The following TNRC6B variants were observed in gnomAD, a reference collection of about 807,000 sequenced individuals.
TNRC6B encodes the protein trinucleotide repeat-containing gene 6B protein.
A neutral mutation model predicts 203.6 loss-of-function variants in TNRC6B; 52 were observed. The observed-to-expected ratio is 0.26, with a 90% confidence interval of 0.20 to 0.32. The LOEUF (loss-of-function observed/expected upper bound fraction) is 0.32. TNRC6B is among the 10% of genes least tolerant of loss of function. The probability of loss-of-function intolerance (pLI) is 1.00; values close to 1 mark genes in which losing one functional copy is unlikely to be tolerated. For synonymous variants in TNRC6B, 838 were observed against 845.7 expected (o/e 0.99, Z 0.16); for missense variants, 1,923 against 2,286.2 (o/e 0.84, Z 3.24).
At chr22:40,200,262 T>C (rs2069392632) in intron 1 of TNRC6B, among the ~76,000 whole-genome samples, 1 of 147,592 alleles carries the variant, frequency 6.8e-6, no homozygotes, top group African/African-American at 2.5e-5. Context: ...TTTAAAATAA[T>C]TTAAAAAGTA....
At chr22:40,183,105 G>T (rs2069156283) in intron 1 of TNRC6B, among the ~76,000 whole-genome samples, 1 of 152,164 alleles carries the variant, frequency 6.6e-6, no homozygotes, top group South Asian at 2.1e-4. Context: ...GTGAAAATGT[G>T]TGAGTATAAG....
intron 3 of TNRC6B, among the ~76,000 whole-genome samples, chr22:40,143,245 C>A (rs191041986): frequency 1.3e-5 from 2 of 152,220 alleles, no homozygotes; most frequent in Non-Finnish European, 2.9e-5. Context: ...GCCTGGGCAA[C>A]ATGGCAAGAC....
exon 2 of TNRC6B, chr22:40,117,055 G>A (rs549114399): frequency 8.5e-5 from 13 of 152,602 alleles, no homozygotes; most frequent in African/African-American, 2.9e-4. Context: ...CTCTTTTCAG[G>A]GTTGTGGTTT....
intron 3 of TNRC6B, among the ~76,000 whole-genome samples, chr22:40,150,344 C>T (rs1345106489): frequency 6.6e-6 from 1 of 152,042 alleles, no homozygotes; most frequent in African/African-American, 2.4e-5. Context: ...TGCCACTGCA[C>T]CCCAGCCTGG....
At chr22:40,176,414 A>G (rs1284327670), upstream of TNRC6B, among the ~76,000 whole-genome samples, 1 of 152,128 alleles carries the variant, frequency 6.6e-6, no homozygotes, top group Non-Finnish European at 1.5e-5. Flanking sequence ...GGTATGAGCC[A>G]CCGCACCCGG....
intron 1 of TNRC6B, among the ~76,000 whole-genome samples, chr22:40,061,412 A>T (rs1298099212): frequency 6.6e-6 from 1 of 151,318 alleles, no homozygotes; most frequent in Non-Finnish European, 1.5e-5. Flanking sequence ...TAGTAGCGAC[A>T]GGGTTTCACC....
chr22:40,330,896 A>T lies in TNRC6B; in HGVS notation c.*7655A>T, dbSNP rs538050691. The T allele has an allele frequency of 2.0e-5, 3 of 152,534 alleles. No individual in the cohort carries two copies. The highest frequency in any genetic ancestry group is 4.4e-5 in the Non-Finnish European group (3 of 68,018). 9.4% of individuals were successfully genotyped at this position (152,534 alleles called of 1,614,324 possible). On this transcript the variant is annotated 3_prime_UTR_variant, in exon 23 of 23. Transcript: ENST00000454349. The stretch of plus-strand genomic sequence containing the variant: ...CACAGTGTAGAGTTGAGTGGAAGAG[A>T]TTCTGGGACTTGGGAGAGGAGACAG...
rs572027074 is a variant in TNRC6B, at chr22:40,246,251, G to A, written c.93+149G>A. The A allele has an allele frequency of 3.0e-5, 16 of 526,346 alleles. No individual in the cohort carries two copies. In the East Asian group the frequency reaches 3.3e-4, roughly 11 times the overall value. The allele number at this position is 526,346 out of a possible 1,614,324, so 32.6% of individuals were successfully genotyped here. ...GTCACCTAGGCTGGAGTGCAGTGGC[G>A]TGATCTTGGCTCACTACAACCTCCG... On this transcript the variant is annotated intron_variant, in intron 2 of 22. Coordinates refer to ENST00000454349, the MANE Select transcript of TNRC6B (RefSeq NM_001162501.2).
At chr22:40,287,343 G>A (rs963536768) in intron 12 of TNRC6B, among the ~76,000 whole-genome samples, 2 of 152,110 alleles carry the variant, frequency 1.3e-5, no homozygotes, top group Non-Finnish European at 2.9e-5. Flanking sequence ...TAAGACCAGG[G>A]CTTAAAATAT....
intron 1 of TNRC6B, among the ~76,000 whole-genome samples, chr22:40,076,785 C>G (rs1483221693): frequency 6.6e-6 from 1 of 152,140 alleles, no homozygotes; most frequent in East Asian, 1.9e-4. Flanking sequence ...AAAAAACTTT[C>G]CACTACTGTT....
chr22:40,090,599 A>G (rs1314052761), intron 1 of TNRC6B, among the ~76,000 whole-genome samples: 1 of 152,128 alleles, frequency 6.6e-6, no homozygotes, highest in East Asian at 1.9e-4. Flanking sequence ...CCTTTATCAG[A>G]TGTATCTTTG....
chr22:40,101,408 G>A (rs1311096611), intron 1 of TNRC6B, among the ~76,000 whole-genome samples: 5 of 152,174 alleles, frequency 3.3e-5, no homozygotes, highest in African/African-American at 9.6e-5. Context: ...CTAGTTCTGG[G>A]ATAAGGTCTG....
At chr22:40,139,727 T>A (rs2143177) in intron 3 of TNRC6B, among the ~76,000 whole-genome samples, 89,309 of 152,130 alleles carry the variant, frequency 0.59, 29,197 homozygotes, top group African/African-American at 0.88. Flanking sequence ...AATGAACATT[T>A]TAATGCTGCT....
chr22:40,097,208 GCAATTTATGCTCTTTGTAAAAA>G lies in TNRC6B; in HGVS notation c.-120-19845_-120-19824del, dbSNP rs572682492. Among the ~76,000 whole-genome samples, 273 of 152,296 alleles carry G rather than the reference GCAATTTATGCTCTTTGTAAAAA, an allele frequency of 1.8e-3. 1 individual carries two copies. The highest frequency in any genetic ancestry group is 6.0e-3 in the South Asian group (29 of 4,826). On this transcript the variant is annotated intron_variant, in intron 1 of 23. Transcript: ENST00000301923. Reference sequence around the variant, plus strand: ...ATCAGATTTATTTTTTATTATAAGAGCAATTTATGCTCTTTGTAAAAACTTGATGTTTATGAAGTAGAAAATG... The same window carrying G: ...ATCAGATTTATTTTTTATTATAAGAGCTTGATGTTTATGAAGTAGAAAATG...
intron 1 of TNRC6B, among the ~76,000 whole-genome samples, chr22:40,078,127 A>T (rs928777547): frequency 6.6e-6 from 1 of 152,240 alleles, no homozygotes; most frequent in Non-Finnish European, 1.5e-5. Flanking sequence ...GTCAAGCTGA[A>T]GGTAAAGTTT....
chr22:40,322,091 C>A (rs781186384), intron 22 of TNRC6B, among the ~76,000 whole-genome samples: 1 of 152,182 alleles, frequency 6.6e-6, no homozygotes, highest in Non-Finnish European at 1.5e-5. Context: ...AGCAGCACTT[C>A]CGGGGACTGA....
At chr22:40,075,156 A>ATATTTTTTTTT in intron 1 of TNRC6B, among the ~76,000 whole-genome samples, 9 of 35,560 alleles carry the variant, frequency 2.5e-4, no homozygotes, top group Middle Eastern at 0.024. Flanking sequence ...ATATATATAT[A>ATATTTTTTTTT]TTTTTTTTTT....
At chr22:40,070,166 G>A (rs529761026) in intron 1 of TNRC6B, among the ~76,000 whole-genome samples, 2 of 152,124 alleles carry the variant, frequency 1.3e-5, no homozygotes, top group East Asian at 1.9e-4. Context: ...TGAGTTTTGC[G>A]TGTTCCGTGT....
At chr22:40,202,627 G>A (rs1472766170) in intron 1 of TNRC6B, among the ~76,000 whole-genome samples, 2 of 152,090 alleles carry the variant, frequency 1.3e-5, no homozygotes, top group African/African-American at 4.8e-5. Context: ...ATAGCCCACA[G>A]TGTTGGATCA....
Sources: gnomAD v4.1 joint callset for allele counts (sites outside exome capture counted in the v4.1 genomes callset) on GRCh38, gnomAD v4.1.1 for gene constraint, MANE v1.5 for transcripts, NCBI Gene and HGNC (gene_info 2026-07-23, HGNC 2026-07-21) for gene names.